The following NLGN2 variants were observed in gnomAD, a reference collection of about 807,000 sequenced individuals.
NLGN2 encodes neuroligin 2.
Under a neutral mutation model 48.6 loss-of-function variants are expected in NLGN2, and 11 were observed. The ratio of observed to expected loss-of-function variants is 0.23; its 90% CI spans 0.14 to 0.37. NLGN2 has a LOEUF of 0.37. Ranked by LOEUF, NLGN2 falls within the 10% of genes least tolerant of loss-of-function variation. NLGN2 has a pLI of 1.00. For synonymous variants in NLGN2, 548 were observed against 550.0 expected, an observed-to-expected ratio of 1.00 and a Z score of 0.05; for missense variants, 801 against 1,225.2, an observed-to-expected ratio of 0.65 and a Z score of 5.17.
chr17:7,416,256 G>T, intron 6 of NLGN2, 149 bp downstream of exon 6: 1 of 682,214 alleles, frequency 1.5e-6, no homozygotes, highest in Admixed American at 2.2e-5. Flanking sequence ...GGAGTTGAGC[G>T]TTGGAGACTC....
Position 7,413,808 on chromosome 17 carries a change from C to T in NLGN2, c.509-536C>T, listed in dbSNP as rs1477025728. On this transcript the variant is annotated intron_variant, in intron 2 of 6. Transcript: ENST00000302926. The surrounding 1 kb of genome is among the most constrained non-coding windows in gnomAD (Gnocchi z 4.9). ...AAAGGAATTAGGGCGGGGAGGAGAC[C>T]AAGCCCCAGGGACCCTAGGCCTGGC... Among the ~76,000 whole-genome samples, 1 of 151,976 alleles carries T rather than the reference C, an allele frequency of 6.6e-6. No homozygotes were observed. The highest frequency in any genetic ancestry group is 1.5e-5 in the Non-Finnish European group (1 of 67,970).
chr17:7,406,513 G>T (rs1045556932), upstream of NLGN2, among the ~76,000 whole-genome samples: 1 of 152,116 alleles, frequency 6.6e-6, no homozygotes, highest in African/African-American at 2.4e-5. Context: ...AAGGCAGGGG[G>T]CATGACTGGG....
In NLGN2 at chr17:7,409,652, C is replaced by T. The variant is rs554918605; in HGVS notation, c.457+940C>T. Among the ~76,000 whole-genome samples the T allele has an allele frequency of 4.5e-4, 68 of 152,220 alleles. 1 individual carries two copies. The highest frequency in any genetic ancestry group is 1.9e-3 in the South Asian group (9 of 4,830). On this transcript the variant is annotated intron_variant, in intron 1 of 6. Coordinates refer to ENST00000302926, the MANE Select transcript of NLGN2 (RefSeq NM_020795.4). ...CCATCCGCTGCCACCACGCTTCCCA[C>T]AGTCCATGTTTCCAGCAACCTTACA...
At position 7,411,646 on chromosome 17, in the gene NLGN2, C is replaced by G. The variant is rs1220071739; in HGVS notation, c.458-511C>G. On this transcript the variant is annotated intron_variant, in intron 1 of 6. Coordinates refer to ENST00000302926, the MANE Select transcript of NLGN2 (RefSeq NM_020795.4). This position sits in a 1 kb window ranked among gnomAD's most constrained non-coding sequence, Gnocchi z 4.5. ...CAGAGTCTTTTCTGCGGCAGTCTCT[C>G]CTCCCTACAGCCTTGTGGGGGGCGG... is the stretch of plus-strand genomic sequence containing the variant. Among the ~76,000 whole-genome samples the G allele has an allele frequency of 6.6e-6, 1 of 152,190 alleles. No homozygotes were observed. The highest frequency in any genetic ancestry group is 1.5e-5 in the Non-Finnish European group (1 of 68,008).
upstream of NLGN2, among the ~76,000 whole-genome samples, chr17:7,405,917 C>G (rs1468553681): frequency 2.0e-5 from 3 of 152,108 alleles, no homozygotes; most frequent in Admixed American, 1.3e-4. This position sits in a 1 kb window ranked among gnomAD's most constrained non-coding sequence, Gnocchi z 6.8. Context: ...CCTGAGCCCC[C>G]GTCCCTCAAC....
Position 7,413,350 on chromosome 17 carries a change from C to A in NLGN2, c.509-994C>A, listed in dbSNP as rs117541521. Among the ~76,000 whole-genome samples, 65 of 152,296 alleles carry A rather than the reference C, an allele frequency of 4.3e-4. No homozygotes were observed. The highest frequency in any genetic ancestry group is 6.5e-4 in the Non-Finnish European group (44 of 68,014). ...GGTGGGCAGAGATGCTGGGGACCAG[C>A]TGTGGAGGCCCAGGCCTGGCTTTGG... On this transcript the variant is annotated intron_variant, in intron 2 of 6. Coordinates refer to ENST00000302926, the MANE Select transcript of NLGN2 (RefSeq NM_020795.4). This position sits in a 1 kb window ranked among gnomAD's most constrained non-coding sequence, Gnocchi z 4.9.
At chr17:7,405,022 C>T (rs1293340588), upstream of NLGN2, 1 of 152,156 alleles carries the variant, frequency 6.6e-6, no homozygotes, top group Non-Finnish European at 1.5e-5. The surrounding 1 kb of genome is among the most constrained non-coding windows in gnomAD (Gnocchi z 6.8). Context: ...TCACCCCCGC[C>T]TTCCCTCCTA....
rs1349107772 is a variant in NLGN2 at position 7,408,431 on chromosome 17, A to G, written c.176A>G (p.Asn59Ser). 6.4e-6 allele frequency: 10 copies of G among 1,569,928 alleles called. No homozygotes were observed. Among genetic ancestry groups the G allele is most frequent in the African/African-American group, 1.4e-5 (1 of 70,688 alleles). ...GTGCGCGGTGTGCGGCGCGAGCTCA[A>G]CAACGAGATCCTGGGCCCCGTCGTG... ...GRVRGVRREL[N>S]NEILGPVVQF... The change falls in exon 1 of 7, where the codon AAC becomes AGC. Residue 59 changes from asparagine (N) to serine (S), a missense_variant. By Grantham distance (46) the Asn-to-Ser change is conservative. This residue lies in a region of NLGN2 where 164 missense variants were observed against 186.2 expected (regional missense o/e 0.88). Transcript: ENST00000302926. The surrounding 1 kb of genome is among the most constrained non-coding windows in gnomAD (Gnocchi z 7.5).
chr17:7,413,282 G>T lies in NLGN2; in HGVS notation c.509-1062G>T, dbSNP rs947599257. The stretch of plus-strand genomic sequence containing the variant: ...AGGAGAATGTCTTAGTGACCTGCAG[G>T]TTGACCTTCTGGCAGGAGGGATGTT... On this transcript the variant is annotated intron_variant, in intron 2 of 6. Coordinates refer to ENST00000302926, the MANE Select transcript of NLGN2 (RefSeq NM_020795.4). The surrounding 1 kb of genome is among the most constrained non-coding windows in gnomAD (Gnocchi z 4.9). Among the ~76,000 whole-genome samples, 3 of 152,234 alleles carry T rather than the reference G, an allele frequency of 2.0e-5. No individual in the cohort carries two copies. The highest frequency in any genetic ancestry group is 7.2e-5 in the African/African-American group (3 of 41,458).
chr17:7,415,223 T>A (rs1907054420), intron 5 of NLGN2, 75 bp downstream of exon 5: 3 of 1,405,504 alleles, frequency 2.1e-6, no homozygotes, highest in Non-Finnish European at 2.9e-6. Flanking sequence ...CCTGTGGGCA[T>A]ACCATTTGGC....
intron 1 of NLGN2, among the ~76,000 whole-genome samples, chr17:7,409,269 G>C (rs1386080864): frequency 6.6e-6 from 1 of 152,044 alleles, no homozygotes; most frequent in African/African-American, 2.4e-5. Flanking sequence ...CAGTGGTACC[G>C]ATGTCCTTCT....
intron 3 of NLGN2, 79 bp downstream of exon 3, chr17:7,414,572 C>T: frequency 6.2e-7 from 1 of 1,611,074 alleles, no homozygotes; most frequent in Non-Finnish European, 8.5e-7. Flanking sequence ...CCACATCCAG[C>T]AGAATGGCTT....
chr17:7,414,872 TC>T (rs1907034876), intron 4 of NLGN2, 24 bp downstream of exon 4: 1 of 1,614,046 alleles, frequency 6.2e-7, no homozygotes, highest in Non-Finnish European at 8.5e-7. Context: ...CCCAGCCTGT[TC>T]CACCCTTCCC....
chr17:7,417,199 C>A lies in NLGN2; in HGVS notation c.1908C>A (p.Gly636=). The A allele has an allele frequency of 1.3e-6, 2 of 1,561,246 alleles. No homozygotes were observed. The change falls in exon 7 of 7, where the codon GGC becomes GGA. Residue 636 remains glycine, a synonymous_variant. Transcript: ENST00000302926. The part of the protein sequence containing the change: ...ATRWPPRPPA[G]APGTRRPPPP... ...GCTGGCCGCCTCGTCCCCCCGCTGG[C>A]GCCCCGGGCACACGCCGGCCCCCGC...
Position 7,417,644 on chromosome 17 carries a change from C to A in NLGN2, c.2353C>A (p.Pro785Thr). 2 of 1,405,536 alleles carry A rather than the reference C, an allele frequency of 1.4e-6. No homozygotes were observed. Among genetic ancestry groups the A allele is most frequent in the Non-Finnish European group, 1.8e-6 (2 of 1,089,120 alleles). 87.1% of individuals were successfully genotyped at this position (1,405,536 alleles called of 1,614,324 possible). Residue 785 changes from proline to threonine, a missense_variant, in exon 7 of 7, where the codon CCC becomes ACC. Physicochemically the swap from Pro to Thr is conservative, Grantham distance 38. Coordinates refer to ENST00000302926, the MANE Select transcript of NLGN2 (RefSeq NM_020795.4). ...ACCGGACGATGTGCCTCTCTTGGCC[C>A]CCGGGGCCCTGACCCTGCTGCCCAG... is the stretch of plus-strand genomic sequence containing the variant. ...RAPDDVPLLA[P>T]GALTLLPSGL...
rs1906861589 is a variant in NLGN2 at position 7,411,010 on chromosome 17, C to G, written c.458-1147C>G. 6.6e-6 allele frequency among the ~76,000 whole-genome samples: 1 copy of G among 152,228 alleles called. No homozygotes were observed. Among genetic ancestry groups the G allele is most frequent in the African/African-American group, 2.4e-5 (1 of 41,460 alleles). On this transcript the variant is annotated intron_variant, in intron 1 of 6. Coordinates refer to ENST00000302926, the MANE Select transcript of NLGN2 (RefSeq NM_020795.4). This position sits in a 1 kb window ranked among gnomAD's most constrained non-coding sequence, Gnocchi z 4.5. ...CCATCCTTGGCCTTGACCCACGTGC[C>G]AGTCCCTGTGCCATTGAGGAAAAAC...
At position 7,412,389 on chromosome 17, in the gene NLGN2, G is replaced by A. The variant is rs73233960; in HGVS notation, c.508+182G>A. Among the ~76,000 whole-genome samples, 659 of 152,158 alleles carry A rather than the reference G, an allele frequency of 4.3e-3. 5 individuals are homozygous for A. The highest frequency in any genetic ancestry group is 0.015 in the African/African-American group (641 of 41,524). On this transcript the variant is annotated intron_variant, in intron 2 of 6. Transcript: ENST00000302926. ...AAAAAGAATTATGAAAACTTCAAAC[G>A]AAATTTGAACAATGTTGGACCCAGT...
At chr17:7,405,994 G>A (rs1429815776), upstream of NLGN2, among the ~76,000 whole-genome samples, 1 of 152,184 alleles carries the variant, frequency 6.6e-6, no homozygotes, top group African/African-American at 2.4e-5. This position sits in a 1 kb window ranked among gnomAD's most constrained non-coding sequence, Gnocchi z 6.8. Context: ...TAGGGAGAAG[G>A]AGGAGGGAGC....
At position 7,417,129 on chromosome 17, in the gene NLGN2, C is replaced by T. The variant is rs982154241; in HGVS notation, c.1838C>T (p.Thr613Met). The change falls in exon 7 of 7, where the codon ACG becomes ATG. Residue 613 changes from threonine (T) to methionine (M), a missense_variant. Physicochemically the swap from Thr to Met is moderately conservative, Grantham distance 81. Coordinates refer to ENST00000302926, the MANE Select transcript of NLGN2 (RefSeq NM_020795.4). ...GTGCCCCACCTGCACAACCTGCACA[C>T]GGAGCTCTTCACCACCACCACGCGC... ...ELVPHLHNLH[T>M]ELFTTTTRLP... is the part of the protein sequence containing the mutation. The T allele has an allele frequency of 3.7e-5, 59 of 1,610,976 alleles. No individual in the cohort carries two copies. Among genetic ancestry groups the T allele is most frequent in the African/African-American group, 4.0e-5 (3 of 74,932 alleles).
Sources: allele counts gnomAD v4.1 joint callset (sites outside exome capture counted in the v4.1 genomes callset), GRCh38; gene constraint gnomAD v4.1.1; regional missense constraint gnomAD v4.1.1; non-coding constraint Gnocchi (gnomAD v3.1); transcripts MANE v1.5; gene names NCBI Gene and HGNC (gene_info 2026-07-23, HGNC 2026-07-21).